AIF1L: variants seen among roughly 807,000 people sequenced by gnomAD.
AIF1L encodes allograft inflammatory factor 1 like, also known as allograft inflammatory factor 1-like.
Under a neutral mutation model 20.7 loss-of-function variants are expected in AIF1L, and 12 were observed. The ratio of observed to expected loss-of-function variants is 0.58; its 90% CI spans 0.37 to 0.94. The LOEUF (loss-of-function observed/expected upper bound fraction) is 0.94. Ranked by LOEUF, AIF1L falls within the 40% of genes least tolerant of loss-of-function variation. AIF1L has a pLI of 0.01. For missense variants in AIF1L, 173 were observed against 185.3 expected (o/e 0.93, Z 0.39); for synonymous variants, 76 against 65.1 (o/e 1.17, Z -0.81).
chr9:131,105,633 C>G (rs538137804), intron 2 of AIF1L, among the ~76,000 whole-genome samples: 2 of 152,248 alleles, frequency 1.3e-5, no homozygotes, highest in East Asian at 3.9e-4. Flanking sequence ...GCGTGAACCA[C>G]CACACTGGGC....
At chr9:131,104,074 A>T (rs989777121) in intron 2 of AIF1L, among the ~76,000 whole-genome samples, 2 of 152,074 alleles carry the variant, frequency 1.3e-5, no homozygotes, top group Non-Finnish European at 2.9e-5. Flanking sequence ...GTCCCCGGGG[A>T]CTGAAAAGTG....
At chr9:131,102,343 C>G (rs897401901) in intron 2 of AIF1L, among the ~76,000 whole-genome samples, 2 of 152,208 alleles carry the variant, frequency 1.3e-5, no homozygotes, top group African/African-American at 4.8e-5. Context: ...CCTCTGAGAC[C>G]TGACCCAGGC....
intron 2 of AIF1L, among the ~76,000 whole-genome samples, chr9:131,101,646 T>C (rs1830644378): frequency 1.3e-5 from 2 of 152,036 alleles, no homozygotes; most frequent in African/African-American, 4.8e-5. Flanking sequence ...TGCCGGGCCT[T>C]GACTTCCATT....
At chr9:131,105,492 G>C (rs978597668) in intron 2 of AIF1L, among the ~76,000 whole-genome samples, 4 of 152,004 alleles carry the variant, frequency 2.6e-5, no homozygotes, top group Admixed American at 1.3e-4. Context: ...AGCCTCCCAA[G>C]TATAGCTGGG....
At chr9:131,117,247 C>T (rs1048905259) in intron 4 of AIF1L, among the ~76,000 whole-genome samples, 1 of 152,232 alleles carries the variant, frequency 6.6e-6, no homozygotes, top group Non-Finnish European at 1.5e-5. Flanking sequence ...GGAGAAGCCA[C>T]CTGCCACTCG....
intron 3 of AIF1L, chr9:131,113,830 G>C (rs923430073): frequency 6.6e-6 from 1 of 152,292 alleles, no homozygotes; most frequent in African/African-American, 2.4e-5. Context: ...TTTCTCTGCT[G>C]GCTGCTTGTG....
At chr9:131,102,878 T>C (rs1471723956) in intron 2 of AIF1L, 3 of 456,286 alleles carry the variant, frequency 6.6e-6, no homozygotes. Flanking sequence ...ACCAGCCCCT[T>C]GGATGGCCTC....
At chr9:131,113,122 A>G (rs1309398080) in intron 3 of AIF1L, among the ~76,000 whole-genome samples, 1 of 152,042 alleles carries the variant, frequency 6.6e-6, no homozygotes, top group Non-Finnish European at 1.5e-5. Flanking sequence ...ATACAAGGTT[A>G]GCAGACTGTG....
rs552819941 is a variant in AIF1L, at chr9:131,120,824, A to G, written c.*502A>G. 2.2e-4 allele frequency: 92 copies of G among 423,268 alleles called. 1 individual carries two copies. The highest frequency in any genetic ancestry group is 4.5e-4 in the Admixed American group (11 of 24,290). 26.2% of individuals were successfully genotyped at this position (423,268 alleles called of 1,614,324 possible). A position where few individuals can be genotyped will look rare whatever the true frequency, so the allele number is the denominator to read the frequency against. ...CCAGTGCTCTGGTGTCACCCAGGACACAGCCACTCGGGGCCCCGCTGCCCC... is the reference window on the plus strand; with the variant it reads ...CCAGTGCTCTGGTGTCACCCAGGACGCAGCCACTCGGGGCCCCGCTGCCCC... On this transcript the variant is annotated 3_prime_UTR_variant, in exon 6 of 6. Coordinates refer to ENST00000247291, the MANE Select transcript of AIF1L (RefSeq NM_031426.4).
In AIF1L at chr9:131,099,535, G is replaced by A. The variant is rs1320040840; in HGVS notation, c.93+2672G>A. Reference sequence around the variant, plus strand: ...TGTGGATTCTGGGGGCCTGGGCTAAGCCCAGGATTCACTGCCAAAGCCCTG... The same window carrying A: ...TGTGGATTCTGGGGGCCTGGGCTAAACCCAGGATTCACTGCCAAAGCCCTG... On this transcript the variant is annotated intron_variant, in intron 2 of 5. Transcript: ENST00000247291. Among the ~76,000 whole-genome samples, 5 of 152,166 alleles carry A rather than the reference G, an allele frequency of 3.3e-5. No homozygotes were observed. In the East Asian group the frequency reaches 7.7e-4, roughly 23 times the overall value.
In AIF1L at chr9:131,098,747, G is replaced by C. The variant is rs1422357364; in HGVS notation, c.93+1884G>C. ...GGGCAGCACTGGGACTAGGGAAAGT[G>C]AGCAGGAAGGAGCTGTGGTCTAACC... On this transcript the variant is annotated intron_variant, in intron 2 of 5. Transcript: ENST00000247291. 2.6e-5 allele frequency among the ~76,000 whole-genome samples: 4 copies of C among 152,224 alleles called. 1 individual carries two copies. The East Asian group carries it at 7.7e-4, about 29-fold the overall frequency.
intron 2 of AIF1L, 69 bp downstream of exon 2, chr9:131,096,932 C>T: frequency 2.1e-6 from 3 of 1,448,620 alleles, no homozygotes; most frequent in Non-Finnish European, 2.7e-6. Flanking sequence ...CCTCTCCTTC[C>T]GCGAGGCCGT....
chr9:131,117,911 C>T lies in AIF1L; in HGVS notation c.358C>T (p.Leu120Phe). 1 of 1,609,682 alleles carries T rather than the reference C, an allele frequency of 6.2e-7. No homozygotes were observed. The highest frequency in any genetic ancestry group is 2.2e-5 in the East Asian group (1 of 44,812). ...GATGCTGGGGAAACGGTCGGCTGTCCTCAAGTTGTGAGTACCTCCTTCCTC... is the reference window on the plus strand; with the variant it reads ...GATGCTGGGGAAACGGTCGGCTGTCTTCAAGTTGTGAGTACCTCCTTCCTC... Reference protein sequence around the residue: ...NMMLGKRSAVLKLVMMFEGKA... With the variant: ...NMMLGKRSAVFKLVMMFEGKA... The change falls in exon 5 of 6, where the codon CTC becomes TTC. Residue 120 changes from leucine (L) to phenylalanine (F), a missense_variant. Transcript: ENST00000247291.
In AIF1L at chr9:131,120,388, GAC is replaced by G. The variant is rs1831110083; in HGVS notation, c.*71_*72del. 3 of 1,153,136 alleles carry G rather than the reference GAC, an allele frequency of 2.6e-6. No homozygotes were observed. The highest frequency in any genetic ancestry group is 2.4e-6 in the Non-Finnish European group (2 of 830,190). The allele number at this position is 1,153,136 out of a possible 1,614,324, so 71.4% of individuals were successfully genotyped here. ...CCCTCCCGATCTTGCTGCCCTTCTT[GAC>G]ACACTGTGATCTCTCTCTCTCTCAT... On this transcript the variant is annotated 3_prime_UTR_variant, in exon 6 of 6. Transcript: ENST00000247291.
intron 2 of AIF1L, among the ~76,000 whole-genome samples, chr9:131,102,295 G>T (rs949325648): frequency 6.6e-6 from 1 of 152,130 alleles, no homozygotes; most frequent in Non-Finnish European, 1.5e-5. Flanking sequence ...CTGCCCAGGG[G>T]TGTATATATC....
Position 131,111,676 on chromosome 9 carries a change from G to A in AIF1L, c.160+13G>A, listed in dbSNP as rs753255168. ...ACAGCCTTCAAAGGTAAGCTGGGGC[G>A]GGCTGCCCTGCATTTATTCCTGGGG... On this transcript the variant is annotated intron_variant, in intron 3 of 5. Transcript: ENST00000247291. 4.3e-5 allele frequency: 70 copies of A among 1,612,784 alleles called. No homozygotes were observed. Among genetic ancestry groups the A allele is most frequent in the South Asian group, 3.0e-4 (27 of 91,066 alleles).
intron 2 of AIF1L, among the ~76,000 whole-genome samples, chr9:131,102,210 G>T (rs1436327106): frequency 6.6e-6 from 1 of 152,158 alleles, no homozygotes; most frequent in Non-Finnish European, 1.5e-5. Context: ...ACTGCACCTG[G>T]CCCCTGATGT....
Position 131,096,830 on chromosome 9 carries a change from C to T in AIF1L, c.60C>T (p.Ala20=). 1.9e-6 allele frequency: 3 copies of T among 1,538,852 alleles called. No individual in the cohort carries two copies. The highest frequency in any genetic ancestry group is 2.6e-6 in the Non-Finnish European group (3 of 1,143,384). The change falls in exon 2 of 6, where the codon GCC becomes GCT. Residue 20 remains alanine, a synonymous_variant. Transcript: ENST00000247291. ...QGGKAFGLLK[A]RQERRLAEIN... ...GGAAGGCGTTCGGCTTGCTCAAAGC[C>T]CGGCAGGAGAGGAGGCTGGCCGAGA... is the stretch of plus-strand genomic sequence containing the variant.
rs1423506210 is a variant in AIF1L, at chr9:131,096,878, C to T, written c.93+15C>T. The T allele has an allele frequency of 6.6e-7, 1 of 1,526,404 alleles. No individual in the cohort carries two copies. The allele number at this position is 1,526,404 out of a possible 1,614,324, so 94.6% of individuals were successfully genotyped here. A position where few individuals can be genotyped will look rare whatever the true frequency, so the allele number is the denominator to read the frequency against. ...AGATCAACCGGGTAAGCCCCGCGCC[C>T]AGGGCAGCACGCGAGTCCCGAGCCG... On this transcript the variant is annotated intron_variant, in intron 2 of 5. Transcript: ENST00000247291.
Sources: gnomAD v4.1 joint callset for allele counts (sites outside exome capture counted in the v4.1 genomes callset) on GRCh38, gnomAD v4.1.1 for gene constraint, MANE v1.5 for transcripts, NCBI Gene and HGNC (gene_info 2026-07-23, HGNC 2026-07-21) for gene names.